The following SLC22A17 variants were observed in gnomAD, a reference collection of about 807,000 sequenced individuals.
SLC22A17 encodes solute carrier family 22 member 17, also known as 24p3 receptor.
A neutral mutation model predicts 53.6 loss-of-function variants in SLC22A17; 38 were observed. The ratio of observed to expected loss-of-function variants is 0.71; its 90% confidence interval spans 0.55 to 0.93. The LOEUF is 0.93. Among genes scored for constraint, SLC22A17 ranks in the 40% least tolerant of loss-of-function variants. SLC22A17 has a pLI of 0.00. For synonymous variants in SLC22A17, 379 were observed against 353.0 expected (o/e 1.07, Z -0.82); for missense variants, 704 against 791.0 (o/e 0.89, Z 1.32).
chr14:23,348,887 G>C lies in SLC22A17; in HGVS notation c.860-216C>G, dbSNP rs954869457. The C allele has an allele frequency of 4.9e-6, 3 of 608,200 alleles. No individual in the cohort carries two copies. The highest frequency in any genetic ancestry group is 3.0e-5 in the Admixed American group (1 of 33,394). The allele number at this position is 608,200 out of a possible 1,614,324, so 37.7% of individuals were successfully genotyped here. On this transcript the variant is annotated intron_variant, in intron 4 of 9. Transcript: ENST00000397267. The surrounding 1 kb of genome is among the most constrained non-coding windows in gnomAD (Gnocchi z 4.5). ...CCTGCTCAAACCTAGGAGGGCTCTA[G>C]GGCCAGAGTCCTGGGTGAGTGTTCA...
rs538161284 is a variant in SLC22A17, at chr14:23,352,287, C to G, written c.261G>C (p.Val87=). 7 of 1,405,468 alleles carry G rather than the reference C, an allele frequency of 5.0e-6. No homozygotes were observed. The African/African-American group carries it at 6.1e-5, about 12-fold the overall frequency. 87.1% of individuals were successfully genotyped at this position (1,405,468 alleles called of 1,614,324 possible). Residue 87 remains valine, a synonymous_variant, in exon 2 of 10, where the codon GTG becomes GTC. Transcript: ENST00000397267. This position sits in a 1 kb window ranked among gnomAD's most constrained non-coding sequence, Gnocchi z 7.2. ...GCTGCTGGCCGCCGCCCAGCGCCCC[C>G]ACCTGGGCGAGCAGCGCCTCAAAGC...
chr14:23,348,742 AAG>A lies in SLC22A17; in HGVS notation c.860-73_860-72del. 6.9e-7 allele frequency: 1 copy of A among 1,455,862 alleles called. No individual in the cohort carries two copies. The highest frequency in any genetic ancestry group is 9.2e-7 in the Non-Finnish European group (1 of 1,084,598). The allele number at this position is 1,455,862 out of a possible 1,614,324, so 90.2% of individuals were successfully genotyped here. On this transcript the variant is annotated intron_variant, in intron 4 of 9. Transcript: ENST00000397267. The surrounding 1 kb of genome is among the most constrained non-coding windows in gnomAD (Gnocchi z 4.5). ...GAAGAAGGCATAAGAGAGAAGAAGAAAGAGGGAGGGAGGAGGACAGAGAGAGA... is the reference window on the plus strand; with the variant it reads ...GAAGAAGGCATAAGAGAGAAGAAGAAAGGGAGGGAGGAGGACAGAGAGAGA...
Position 23,348,533 on chromosome 14 carries a change from G to A in SLC22A17, c.998C>T (p.Ala333Val), listed in dbSNP as rs1471877519. 3.7e-6 allele frequency: 6 copies of A among 1,614,092 alleles called. No individual in the cohort carries two copies. Among genetic ancestry groups the A allele is most frequent in the South Asian group, 1.1e-5 (1 of 91,076 alleles). The change falls in exon 5 of 10, where the codon GCT becomes GTT. Residue 333 changes from alanine to valine, a missense_variant. This residue lies in a region of SLC22A17 where 435 missense variants were observed against 529.0 expected (regional missense o/e 0.82). Coordinates refer to ENST00000397267, the Ensembl canonical transcript of SLC22A17. The surrounding 1 kb of genome is among the most constrained non-coding windows in gnomAD (Gnocchi z 4.5). Reference sequence around the variant, plus strand: ...ATAAAACAGGAAGAGGATGCAGGGAGCGGTGATCATTCGCTGTAGGAATCG... The same window carrying A: ...ATAAAACAGGAAGAGGATGCAGGGAACGGTGATCATTCGCTGTAGGAATCG...
At chr14:23,346,651 G>A in exon 10 of SLC22A17, 1 of 1,488,150 alleles carries the variant, frequency 6.7e-7, no homozygotes, top group Non-Finnish European at 8.9e-7. Context: ...AGGCCGCTCA[G>A]AGGGCAGGGT....
At position 23,347,446 on chromosome 14, in the gene SLC22A17, C is replaced by T; in HGVS notation, c.1549+14G>A. The T allele has an allele frequency of 6.2e-7, 1 of 1,610,470 alleles. No individual in the cohort carries two copies. The highest frequency in any genetic ancestry group is 2.2e-5 in the East Asian group (1 of 44,818). ...GCCTGTGCCAGAAGAAATGGCTGTGCCTGTCTGAAGCACCTCTGTTGGGGT... is the reference window on the plus strand; with the variant it reads ...GCCTGTGCCAGAAGAAATGGCTGTGTCTGTCTGAAGCACCTCTGTTGGGGT... On this transcript the variant is annotated intron_variant, in intron 8 of 9. Coordinates refer to ENST00000397267, the Ensembl canonical transcript of SLC22A17. This position sits in a 1 kb window ranked among gnomAD's most constrained non-coding sequence, Gnocchi z 5.1.
At position 23,347,360 on chromosome 14, in the gene SLC22A17, C is replaced by T; in HGVS notation, c.1549+100G>A. On this transcript the variant is annotated intron_variant, in intron 8 of 9. Coordinates refer to ENST00000397267, the Ensembl canonical transcript of SLC22A17. This position sits in a 1 kb window ranked among gnomAD's most constrained non-coding sequence, Gnocchi z 5.1. ...TAATTGACTGGGAGAGCAGATGGGG[C>T]TGTGGGGCCAGGTGGAGGCTCGTGG... is the stretch of plus-strand genomic sequence containing the variant. 1 of 1,516,408 alleles carries T rather than the reference C, an allele frequency of 6.6e-7. No individual in the cohort carries two copies. The highest frequency in any genetic ancestry group is 8.9e-7 in the Non-Finnish European group (1 of 1,122,202). 93.9% of individuals were successfully genotyped at this position (1,516,408 alleles called of 1,614,324 possible). A position where few individuals can be genotyped will look rare whatever the true frequency, so the allele number is the denominator to read the frequency against.
chr14:23,346,927 G>A (rs559730724), exon 10 of SLC22A17: 11 of 1,534,714 alleles, frequency 7.2e-6, no homozygotes, highest in South Asian at 6.0e-5. Flanking sequence ...TCAGGCCCAG[G>A]CCACGGCCCC....
In SLC22A17 at chr14:23,348,507, C is replaced by T. The variant is rs942387081; in HGVS notation, c.1024G>A (p.Gly342Ser). 2.5e-6 allele frequency: 4 copies of T among 1,613,266 alleles called. No homozygotes were observed. Among genetic ancestry groups the T allele is most frequent in the Non-Finnish European group, 2.5e-6 (3 of 1,179,636 alleles). ...CGACAGGTGAAGGGTAATACTGACC[C>T]ATAAAACAGGAAGAGGATGCAGGGA... The change falls in exon 5 of 10, where the codon GGC becomes AGC. Residue 342 changes from glycine (G) to serine (S), a missense_variant and splice_region_variant. By Grantham distance (56) the Gly-to-Ser change is moderately conservative. Coordinates refer to ENST00000397267, the Ensembl canonical transcript of SLC22A17. This position sits in a 1 kb window ranked among gnomAD's most constrained non-coding sequence, Gnocchi z 4.5.
chr14:23,348,605 C>T lies in SLC22A17; in HGVS notation c.926G>A (p.Gly309Glu), dbSNP rs757999117. ...CAGGCCCAGGAACAGGAAGTGCCCT[C>T]CCACCCCCACCAACTCCCCTGCCAG... Residue 309 changes from glycine (G) to glutamate (E), a missense_variant, in exon 5 of 10, where the codon GGA becomes GAA. Transcript: ENST00000397267. The surrounding 1 kb of genome is among the most constrained non-coding windows in gnomAD (Gnocchi z 4.5). The T allele has an allele frequency of 1.2e-6, 2 of 1,614,010 alleles. No homozygotes were observed. Among genetic ancestry groups the T allele is most frequent in the Admixed American group, 1.7e-5 (1 of 60,002 alleles).
chr14:23,349,253 C>A lies in SLC22A17; in HGVS notation c.859+19G>T. 2 of 1,613,850 alleles carry A rather than the reference C, an allele frequency of 1.2e-6. No individual in the cohort carries two copies. Among genetic ancestry groups the A allele is most frequent in the Middle Eastern group, 3.3e-4 (2 of 6,062 alleles). On this transcript the variant is annotated intron_variant, in intron 4 of 9. Coordinates refer to ENST00000397267, the Ensembl canonical transcript of SLC22A17. ...GGCATGAGACCCAAGGGAGGGAATTCTGGGAGGGTGCCACTTACGCATCAG... is the reference window on the plus strand; with the variant it reads ...GGCATGAGACCCAAGGGAGGGAATTATGGGAGGGTGCCACTTACGCATCAG...
At position 23,348,002 on chromosome 14, in the gene SLC22A17, G is replaced by GGA. The variant is rs768697583; in HGVS notation, c.1172-8_1172-7dup. On this transcript the variant is annotated splice_region_variant and splice_polypyrimidine_tract_variant and intron_variant, in intron 6 of 9. Coordinates refer to ENST00000397267, the Ensembl canonical transcript of SLC22A17. The surrounding 1 kb of genome is among the most constrained non-coding windows in gnomAD (Gnocchi z 4.5). ...AGGGCAGGTATTCTCCAGGTCTTTG[G>GGA]GAGAGAGAGAGGAGCTGTCAGAAGA... 4.0e-5 allele frequency: 65 copies of GGA among 1,613,666 alleles called. No individual in the cohort carries two copies. Among genetic ancestry groups the GGA allele is most frequent in the Non-Finnish European group, 5.3e-5 (62 of 1,179,798 alleles).
At chr14:23,349,418 C>T (rs750576654) in exon 4 of SLC22A17, 11 of 1,612,202 alleles carry the variant, frequency 6.8e-6, no homozygotes, top group Admixed American at 1.7e-5. Flanking sequence ...AATCCCGCGA[C>T]GGCCAAATCT....
chr14:23,348,468 T>C lies in SLC22A17; in HGVS notation c.1025+38A>G. On this transcript the variant is annotated intron_variant, in intron 5 of 9. Transcript: ENST00000397267. This position sits in a 1 kb window ranked among gnomAD's most constrained non-coding sequence, Gnocchi z 4.5. ...GCTAGGGCTAGTTTGGAGGCAGAGA[T>C]GGGAATTGCCAGACGACAGGTGAAG... 2 of 1,601,404 alleles carry C rather than the reference T, an allele frequency of 1.2e-6. No individual in the cohort carries two copies. The highest frequency in any genetic ancestry group is 2.2e-5 in the East Asian group (1 of 44,702).
rs1889391514 is a variant in SLC22A17 at position 23,348,506 on chromosome 14, C to G, written c.1025G>C (p.Gly342Ala). 6.2e-7 allele frequency: 1 copy of G among 1,613,126 alleles called. No homozygotes were observed. Among genetic ancestry groups the G allele is most frequent in the Non-Finnish European group, 8.5e-7 (1 of 1,179,564 alleles). ...ACGACAGGTGAAGGGTAATACTGAC[C>G]CATAAAACAGGAAGAGGATGCAGGG... The change falls in exon 5 of 10, where the codon GGC (glycine) becomes GCC (alanine). Residue 342 changes from glycine (G) to alanine (A), a missense_variant and splice_region_variant. By Grantham distance (60) the Gly-to-Ala change is moderately conservative. This residue lies in a region of SLC22A17 where 435 missense variants were observed against 529.0 expected (regional missense o/e 0.82). Transcript: ENST00000397267. This position sits in a 1 kb window ranked among gnomAD's most constrained non-coding sequence, Gnocchi z 4.5.
In SLC22A17 at chr14:23,352,766, G is replaced by A. The variant is rs1333505782; in HGVS notation, c.-25C>T. On this transcript the variant is annotated 5_prime_UTR_variant, in exon 1 of 10. Transcript: ENST00000397267. This position sits in a 1 kb window ranked among gnomAD's most constrained non-coding sequence, Gnocchi z 7.2. ...GCTTGCCGACCGCAGGGGCCCTGCC[G>A]GCCCGCGCCGAAAGGATGCGCTGTC... 2.5e-5 allele frequency: 10 copies of A among 398,716 alleles called. No individual in the cohort carries two copies. The Admixed American group carries it at 3.5e-4, about 14-fold the overall frequency. 24.7% of individuals were successfully genotyped at this position (398,716 alleles called of 1,614,324 possible).
At position 23,348,208 on chromosome 14, in the gene SLC22A17, C is replaced by T. The variant is rs774725577; in HGVS notation, c.1124G>A (p.Arg375Gln). 8.1e-6 allele frequency: 13 copies of T among 1,613,996 alleles called. No homozygotes were observed. The highest frequency in any genetic ancestry group is 8.0e-5 in the African/African-American group (6 of 74,908). ...CTCCCCCAGCATCTGCCCATGGGGC[C>T]GGTTTCGCTCAGCCAGGATCCTCAG... Residue 375 changes from arginine to glutamine, a missense_variant, in exon 6 of 10, where the codon CGG becomes CAG. Physicochemically the swap from Arg to Gln is conservative, Grantham distance 43 (BLOSUM62 1). Coordinates refer to ENST00000397267, the Ensembl canonical transcript of SLC22A17. The surrounding 1 kb of genome is among the most constrained non-coding windows in gnomAD (Gnocchi z 4.5).
rs954688394 is a variant in SLC22A17 at position 23,348,972 on chromosome 14, C to T, written c.859+300G>A. Reference sequence around the variant, plus strand: ...CTCTTATTTGACCTTCACATCAACCCTTGTCCAAGGTCACACAGCTAGGGA... The same window carrying T: ...CTCTTATTTGACCTTCACATCAACCTTTGTCCAAGGTCACACAGCTAGGGA... On this transcript the variant is annotated intron_variant, in intron 4 of 9. Transcript: ENST00000397267. This position sits in a 1 kb window ranked among gnomAD's most constrained non-coding sequence, Gnocchi z 4.5. 1.0e-5 allele frequency: 6 copies of T among 591,444 alleles called. No individual in the cohort carries two copies. The highest frequency in any genetic ancestry group is 3.7e-5 in the African/African-American group (2 of 53,676). The allele number at this position is 591,444 out of a possible 1,614,324, so 36.6% of individuals were successfully genotyped here.
intron 3 of SLC22A17, chr14:23,351,492 G>A: frequency 2.3e-6 from 1 of 431,956 alleles, no homozygotes; most frequent in Non-Finnish European, 4.1e-6. Flanking sequence ...ATTGATTCAC[G>A]GATAGGGGGC....
Position 23,352,535 on chromosome 14 carries a change from C to G in SLC22A17, c.97-84G>C, listed in dbSNP as rs1347287028. 2.3e-6 allele frequency: 1 copy of G among 427,110 alleles called. No individual in the cohort carries two copies. Among genetic ancestry groups the G allele is most frequent in the Non-Finnish European group, 4.1e-6 (1 of 245,254 alleles). The allele number at this position is 427,110 out of a possible 1,614,324, so 26.5% of individuals were successfully genotyped here. A position where few individuals can be genotyped will look rare whatever the true frequency, so the allele number is the denominator to read the frequency against. On this transcript the variant is annotated intron_variant, in intron 1 of 9. Coordinates refer to ENST00000397267, the Ensembl canonical transcript of SLC22A17. This position sits in a 1 kb window ranked among gnomAD's most constrained non-coding sequence, Gnocchi z 7.2. ...GGCAGGGGGCAGGTGGGAGGGAGGG[C>G]TAGGAAGGCAGTCAGGGGCGAGGGA...
Sources: gnomAD v4.1 joint callset for allele counts on GRCh38, gnomAD v4.1.1 for gene constraint, gnomAD v4.1.1 regional missense constraint, Gnocchi (gnomAD v3.1) non-coding constraint, MANE v1.5 for transcripts, NCBI Gene and HGNC (gene_info 2026-07-23, HGNC 2026-07-21) for gene names.